Variants in CCDC136 observed in about 807,000 individuals in gnomAD.
CCDC136 encodes the protein coiled-coil domain containing 136.
A neutral mutation model predicts 141.2 loss-of-function variants in CCDC136; 100 were observed. The observed-to-expected ratio is 0.71, with a 90% confidence interval of 0.60 to 0.84. The LOEUF is 0.84. Among genes scored for constraint, CCDC136 ranks in the 40% least tolerant of loss-of-function variants. The pLI, the probability that CCDC136 is intolerant of heterozygous loss-of-function variation, is 0.00. For missense variants in CCDC136, 1,206 were observed against 1,379.4 expected (o/e 0.87, Z 1.99); for synonymous variants, 474 against 531.9 (o/e 0.89, Z 1.50).
intron 10 of CCDC136, chr7:128,807,847 A>G (rs1257828739): frequency 5.4e-6 from 1 of 183,582 alleles, no homozygotes; most frequent in African/African-American, 2.3e-5. Flanking sequence ...ATATCTAGTC[A>G]TTCTTGGAGG....
In CCDC136 at chr7:128,815,960, G is replaced by A. The variant is rs1333894739; in HGVS notation, c.3363+29G>A. ...ACCAGAGCCAAAGCCTAGATCAAGT[G>A]GGAAGTGGGGTCTTGGGCTCAGATA... is the stretch of plus-strand genomic sequence containing the variant. On this transcript the variant is annotated intron_variant, in intron 16 of 17. Coordinates refer to ENST00000297788, the MANE Select transcript of CCDC136 (RefSeq NM_022742.5). 2.5e-6 allele frequency: 4 copies of A among 1,583,192 alleles called. No homozygotes were observed. In the African/African-American group the frequency reaches 4.1e-5, roughly 16 times the overall value.
rs1474244146 is a variant in CCDC136 at position 128,792,468 on chromosome 7, C to T, written c.16+41C>T. ...AGGCTTCTTTCTTTCCCCTCCCCTCCTCCCTTAATTCCCTTCTTTCCTCCC... is the reference window on the plus strand; with the variant it reads ...AGGCTTCTTTCTTTCCCCTCCCCTCTTCCCTTAATTCCCTTCTTTCCTCCC... On this transcript the variant is annotated intron_variant, in intron 1 of 17. Coordinates refer to ENST00000297788, the MANE Select transcript of CCDC136 (RefSeq NM_022742.5). The T allele has an allele frequency of 4.7e-6, 7 of 1,492,206 alleles. No homozygotes were observed. In the Admixed American group the frequency reaches 5.3e-5, roughly 11 times the overall value. 92.4% of individuals were successfully genotyped at this position (1,492,206 alleles called of 1,614,324 possible).
At chr7:128,811,432 C>T (rs1805695805) in intron 12 of CCDC136, 3 of 456,036 alleles carry the variant, frequency 6.6e-6, no homozygotes, top group South Asian at 4.8e-5. Context: ...GGCGAGGGGA[C>T]TGAGCCTGAA....
chr7:128,821,460 C>T lies in CCDC136; in HGVS notation c.*6-339C>T, dbSNP rs958322644. ...TTCTCAAAGCCCCAGATTTCCCCTC[C>T]TCTTTCTTGCCATGGCATCCAGTCC... is the stretch of plus-strand genomic sequence containing the variant. On this transcript the variant is annotated intron_variant, in intron 17 of 17. Coordinates refer to ENST00000297788, the MANE Select transcript of CCDC136 (RefSeq NM_022742.5). The surrounding 1 kb of genome is among the most constrained non-coding windows in gnomAD (Gnocchi z 5.1). Among the ~76,000 whole-genome samples, 2 of 152,166 alleles carry T rather than the reference C, an allele frequency of 1.3e-5. No homozygotes were observed. The highest frequency in any genetic ancestry group is 4.8e-5 in the African/African-American group (2 of 41,438).
chr7:128,806,675 C>G lies in CCDC136; in HGVS notation c.1249-13C>G, dbSNP rs747218097. 3.7e-6 allele frequency: 6 copies of G among 1,606,314 alleles called. No individual in the cohort carries two copies. The African/African-American group carries it at 8.0e-5, about 22-fold the overall frequency. ...GAGCCCAAAGGCACTGCCCAAAGCC[C>G]CCTCTACCATAGGAGTTACTGTGCC... On this transcript the variant is annotated splice_polypyrimidine_tract_variant and intron_variant, in intron 8 of 17. Coordinates refer to ENST00000297788, the MANE Select transcript of CCDC136 (RefSeq NM_022742.5).
intron 15 of CCDC136, 122 bp downstream of exon 15, chr7:128,815,041 A>C (rs1585121739): frequency 1.2e-6 from 1 of 859,366 alleles, no homozygotes; most frequent in East Asian, 2.7e-5. Context: ...GGGATCTCTG[A>C]AGTGTCTACA....
At chr7:128,810,505 C>T (rs1054028108) in intron 12 of CCDC136, 139 bp downstream of exon 12, 10 of 630,400 alleles carry the variant, frequency 1.6e-5, no homozygotes, top group Non-Finnish European at 2.8e-5. Flanking sequence ...TGCCTTTCAC[C>T]AGCTGTGACC....
intron 14 of CCDC136, among the ~76,000 whole-genome samples, chr7:128,813,957 G>T (rs1806171660): frequency 1.3e-5 from 2 of 152,096 alleles, no homozygotes; most frequent in South Asian, 4.2e-4. Flanking sequence ...ACTCCAGCCT[G>T]GGCAACAAGA....
chr7:128,815,576 T>C lies in CCDC136; in HGVS notation c.3046-38T>C, dbSNP rs544735865. 15 of 1,523,848 alleles carry C rather than the reference T, an allele frequency of 9.8e-6. No individual in the cohort carries two copies. In the South Asian group the frequency reaches 1.4e-4, roughly 14 times the overall value. 94.4% of individuals were successfully genotyped at this position (1,523,848 alleles called of 1,614,324 possible). ...GTCATGAGATTAGGAGCTTCACAGG[T>C]AACGCAGCCGCCATCCTGCCCTACT... On this transcript the variant is annotated intron_variant, in intron 15 of 17. Transcript: ENST00000297788.
Position 128,794,632 on chromosome 7 carries a change from G to T in CCDC136, c.271+30G>T, listed in dbSNP as rs376842535. On this transcript the variant is annotated intron_variant, in intron 2 of 17. Transcript: ENST00000297788. The surrounding 1 kb of genome is among the most constrained non-coding windows in gnomAD (Gnocchi z 4.3). Reference sequence around the variant, plus strand: ...GTGCCTGGGCCAGGGCCCAGTGCCCGGGCCCAGAGGCTCTGCACTCCCCTG... The same window carrying T: ...GTGCCTGGGCCAGGGCCCAGTGCCCTGGCCCAGAGGCTCTGCACTCCCCTG... 1 of 1,528,104 alleles carries T rather than the reference G, an allele frequency of 6.5e-7. No homozygotes were observed. The highest frequency in any genetic ancestry group is 8.8e-7 in the Non-Finnish European group (1 of 1,136,398). 94.7% of individuals were successfully genotyped at this position (1,528,104 alleles called of 1,614,324 possible).
chr7:128,817,228 C>T lies in CCDC136; in HGVS notation c.3364-530C>T, dbSNP rs947617421. ...TCGGTTTCTCTCTGGAAGATTGTTG[C>T]AGTGAAAGAACTAGCCCTTCTCCAT... On this transcript the variant is annotated intron_variant, in intron 16 of 17. Transcript: ENST00000297788. The surrounding 1 kb of genome is among the most constrained non-coding windows in gnomAD (Gnocchi z 4.6). Among the ~76,000 whole-genome samples, 4 of 152,122 alleles carry T rather than the reference C, an allele frequency of 2.6e-5. No individual in the cohort carries two copies. Among genetic ancestry groups the T allele is most frequent in the East Asian group, 1.9e-4 (1 of 5,208 alleles).
Position 128,821,698 on chromosome 7 carries a change from A to T in CCDC136, c.*6-101A>T. ...CAGGAGGTAACAGAGACTGATCCAC[A>T]ATGTTCCTGAGGTGTCTTGGGCACC... On this transcript the variant is annotated intron_variant, in intron 17 of 17. Transcript: ENST00000297788. The surrounding 1 kb of genome is among the most constrained non-coding windows in gnomAD (Gnocchi z 5.1). 6.8e-6 allele frequency: 6 copies of T among 885,228 alleles called. No homozygotes were observed. The South Asian group carries it at 8.7e-5, about 13-fold the overall frequency. 54.8% of individuals were successfully genotyped at this position (885,228 alleles called of 1,614,324 possible). A position where few individuals can be genotyped will look rare whatever the true frequency, so the allele number is the denominator to read the frequency against.
chr7:128,814,352 C>G (rs1806250637), intron 14 of CCDC136, among the ~76,000 whole-genome samples: 1 of 152,088 alleles, frequency 6.6e-6, no homozygotes. Context: ...TCTTGAAGTG[C>G]TGGGATTACA....
chr7:128,807,420 G>A lies in CCDC136; in HGVS notation c.1480G>A (p.Glu494Lys), dbSNP rs540479800. The A allele has an allele frequency of 2.2e-5, 35 of 1,580,718 alleles. No individual in the cohort carries two copies. Among genetic ancestry groups the A allele is most frequent in the Non-Finnish European group, 2.7e-5 (32 of 1,164,128 alleles). Residue 494 changes from glutamate (E) to lysine (K), a missense_variant, in exon 10 of 18, where the codon GAG becomes AAG. Physicochemically the swap from Glu to Lys is moderately conservative, Grantham distance 56. Transcript: ENST00000297788. ...MKQLYQASKD[E>K]LERQKHMYDQ... ...GCAGCTGTACCAGGCCAGCAAGGAC[G>A]AGCTGGAGCGGCAGAAGCACATGTA...
chr7:128,796,824 C>T (rs1440785391), intron 3 of CCDC136, among the ~76,000 whole-genome samples: 2 of 143,896 alleles, frequency 1.4e-5, no homozygotes, highest in Admixed American at 6.9e-5. Flanking sequence ...TCACTGCAAG[C>T]TCCGCCTCCC....
chr7:128,814,764 C>G lies in CCDC136; in HGVS notation c.2890C>G (p.Leu964Val), dbSNP rs1458390362. 1 of 1,613,440 alleles carries G rather than the reference C, an allele frequency of 6.2e-7. No homozygotes were observed. ...EGQLQCCQEE[L>V]RQLREKRPSV... ...GCAGCTGCAGTGCTGCCAGGAGGAGCTCCGCCAGCTCAGGGAGAAGAGGCC... is the reference window on the plus strand; with the variant it reads ...GCAGCTGCAGTGCTGCCAGGAGGAGGTCCGCCAGCTCAGGGAGAAGAGGCC... Residue 964 changes from leucine (L) to valine (V), a missense_variant, in exon 15 of 18, where the codon CTC (leucine) becomes GTC (valine). Physicochemically the swap from Leu to Val is conservative, Grantham distance 32. Coordinates refer to ENST00000297788, the MANE Select transcript of CCDC136 (RefSeq NM_022742.5).
Position 128,811,908 on chromosome 7 carries a change from C to T in CCDC136, c.2137C>T (p.Arg713Trp), listed in dbSNP as rs1296092158. The T allele has an allele frequency of 5.0e-6, 8 of 1,613,822 alleles. No individual in the cohort carries two copies. Among genetic ancestry groups the T allele is most frequent in the Admixed American group, 3.3e-5 (2 of 60,012 alleles). The change falls in exon 13 of 18, where the codon CGG (arginine) becomes TGG (tryptophan). Residue 713 changes from arginine (R) to tryptophan (W), a missense_variant. By Grantham distance (101) the Arg-to-Trp change is moderately radical (BLOSUM62 -3). Coordinates refer to ENST00000297788, the MANE Select transcript of CCDC136 (RefSeq NM_022742.5). Reference protein sequence around the residue: ...QQEQGRLLEERKRLQADLQLC... With the variant: ...QQEQGRLLEEWKRLQADLQLC... The stretch of plus-strand genomic sequence containing the variant: ...AGAGCAAGGGAGGCTCCTAGAGGAG[C>T]GGAAGAGGCTGCAGGCAGACTTGCA...
intron 3 of CCDC136, among the ~76,000 whole-genome samples, chr7:128,796,717 T>G: frequency 7.4e-6 from 1 of 134,752 alleles, no homozygotes; most frequent in African/African-American, 3.2e-5. Context: ...ATGGAGATGA[T>G]TCAGAATATA....
chr7:128,791,945 G>A, upstream of CCDC136: 1 of 823,498 alleles, frequency 1.2e-6, no homozygotes, highest in Non-Finnish European at 1.6e-6. This position sits in a 1 kb window ranked among gnomAD's most constrained non-coding sequence, Gnocchi z 7.1. Context: ...ACCCCTTCCC[G>A]CACGCCCCCC....
Sources: gnomAD v4.1 joint callset for allele counts (sites outside exome capture counted in the v4.1 genomes callset) on GRCh38, gnomAD v4.1.1 for gene constraint, Gnocchi (gnomAD v3.1) non-coding constraint, MANE v1.5 for transcripts, NCBI Gene and HGNC (gene_info 2026-07-23, HGNC 2026-07-21) for gene names.